The following MDM1 variants were observed in gnomAD, a reference collection of about 807,000 sequenced individuals.
MDM1 encodes Mdm1 nuclear protein.
Under a neutral mutation model 89.1 loss-of-function variants are expected in MDM1, and 61 were observed. The ratio of observed to expected loss-of-function variants is 0.68; its 90% CI spans 0.56 to 0.85. The LOEUF is 0.85. Ranked by LOEUF, MDM1 falls within the 40% of genes least tolerant of loss-of-function variation. The probability of loss-of-function intolerance (pLI) is 0.00; values close to 1 mark genes in which losing one functional copy is unlikely to be tolerated. For missense variants in MDM1, 820 were observed against 846.5 expected (o/e 0.97, Z 0.39); for synonymous variants, 290 against 294.1 (o/e 0.99, Z 0.14).
intron 7 of MDM1, chr12:68,321,123 A>C (rs1299664013): frequency 1.8e-5 from 7 of 392,040 alleles, no homozygotes; most frequent in South Asian, 1.8e-4. Flanking sequence ...AAAAAGCATT[A>C]AACTTAAAAG....
In MDM1 at chr12:68,325,496, C is replaced by T. The variant is rs1329278342; in HGVS notation, c.578G>A (p.Arg193Lys). Residue 193 changes from arginine to lysine, a missense_variant, in exon 4 of 15, where the codon AGG becomes AAG. Coordinates refer to ENST00000682720, the MANE Select transcript of MDM1 (RefSeq NM_001354969.2). The stretch of plus-strand genomic sequence containing the variant: ...TTTAGAAGTCTTCCAAACAAACTGC[C>T]TTTGATATTCAGAATTTCTCAAGGC... Reference protein sequence around the residue: ...YNALRNSEYQRQFVWKTSKET... With the variant: ...YNALRNSEYQKQFVWKTSKET... The T allele has an allele frequency of 6.3e-7, 1 of 1,598,570 alleles. No individual in the cohort carries two copies. Among genetic ancestry groups the T allele is most frequent in the Admixed American group, 1.7e-5 (1 of 57,836 alleles).
chr12:68,303,790 T>C (rs1033748059), intron 12 of MDM1, among the ~76,000 whole-genome samples: 1 of 152,170 alleles, frequency 6.6e-6, no homozygotes, highest in African/African-American at 2.4e-5. Flanking sequence ...TACTAACACA[T>C]ATATACCTAA....
At chr12:68,302,471 G>C in intron 13 of MDM1, 149 bp downstream of exon 13, 1 of 693,868 alleles carries the variant, frequency 1.4e-6, no homozygotes, top group South Asian at 2.4e-5. Flanking sequence ...CCCAAGGAGG[G>C]AGTTTTCCTA....
chr12:68,322,691 C>A (rs1290319165), intron 5 of MDM1, among the ~76,000 whole-genome samples: 1 of 152,142 alleles, frequency 6.6e-6, no homozygotes, highest in Non-Finnish European at 1.5e-5. Flanking sequence ...ATTTCCATAA[C>A]TTAAAATAAG....
Position 68,315,235 on chromosome 12 carries a change from T to C in MDM1, c.1242A>G (p.Lys414=). The change falls in exon 10 of 15, where the codon AAA becomes AAG. Residue 414 remains lysine, a synonymous_variant. Transcript: ENST00000682720. The part of the protein sequence containing the change: ...GDPTSHKTLQ[K]CPSTEPEEKG... ...TTTCTTCTGGTTCTGTAGAAGGACA[T>C]TTCTGCAAAGTCTTATGGCTTGTAG... is the stretch of plus-strand genomic sequence containing the variant. 6.2e-7 allele frequency: 1 copy of C among 1,614,184 alleles called. No individual in the cohort carries two copies. Among genetic ancestry groups the C allele is most frequent in the Non-Finnish European group, 8.5e-7 (1 of 1,180,008 alleles).
intron 3 of MDM1, 127 bp from the exon 4 acceptor site, chr12:68,325,702 A>G (rs1439638164): frequency 4.4e-6 from 6 of 1,353,830 alleles, no homozygotes. Context: ...ACAGTGCAAA[A>G]TTGTTAACTA....
Position 68,299,549 on chromosome 12 carries a change from C to A in MDM1, c.2003-2567G>T, listed in dbSNP as rs760429663. Among the ~76,000 whole-genome samples the A allele has an allele frequency of 1.3e-4, 20 of 151,906 alleles. 1 individual carries two copies. Among genetic ancestry groups the A allele is most frequent in the Admixed American group, 6.5e-4 (10 of 15,270 alleles). On this transcript the variant is annotated intron_variant, in intron 13 of 14. Transcript: ENST00000682720. ...AGAACAAGTAGAAGATAGCTGCATG[C>A]CAGGTCCAAGAGGGAGGAAAAAGCA...
At chr12:68,313,795 C>T (rs562819590) in intron 10 of MDM1, 42 bp from the exon 11 acceptor site, 32 of 1,441,766 alleles carry the variant, frequency 2.2e-5, no homozygotes, top group Middle Eastern at 1.8e-4. Flanking sequence ...AGCATTTCCT[C>T]GAGAAAATAT....
At chr12:68,318,528 T>C (rs115841261) in intron 7 of MDM1, among the ~76,000 whole-genome samples, 29 of 152,344 alleles carry the variant, frequency 1.9e-4, no homozygotes, top group African/African-American at 7.0e-4. Flanking sequence ...ATCTCAGTGC[T>C]AATATTATAT....
At chr12:68,311,203 T>C (rs1342053583) in intron 12 of MDM1, among the ~76,000 whole-genome samples, 1 of 152,206 alleles carries the variant, frequency 6.6e-6, no homozygotes, top group African/African-American at 2.4e-5. Flanking sequence ...AAAAGTATCC[T>C]GCACTTCTGC....
chr12:68,326,420 AG>A, intron 3 of MDM1: 1 of 1,451,150 alleles, frequency 6.9e-7, no homozygotes, highest in Non-Finnish European at 9.0e-7. Flanking sequence ...CAGACGCAGG[AG>A]GTCCATCCAA....
intron 7 of MDM1, among the ~76,000 whole-genome samples, chr12:68,320,354 C>T (rs1875052383): frequency 6.6e-6 from 1 of 152,136 alleles, no homozygotes; most frequent in Admixed American, 6.6e-5. Context: ...TTTTACTTTG[C>T]CTGTGCTGTC....
chr12:68,316,311 C>A, intron 8 of MDM1, 58 bp from the exon 9 acceptor site: 1 of 1,509,568 alleles, frequency 6.6e-7, no homozygotes. Flanking sequence ...ACAAACAGCA[C>A]CAAGTAGCAT....
Position 68,294,567 on chromosome 12 carries a change from G to A in MDM1, c.*687C>T, listed in dbSNP as rs1565759564. 1 of 152,236 alleles carries A rather than the reference G, an allele frequency of 6.6e-6. No individual in the cohort carries two copies. The highest frequency in any genetic ancestry group is 1.9e-4 in the East Asian group (1 of 5,188). The allele number at this position is 152,236 out of a possible 1,614,324, so 9.4% of individuals were successfully genotyped here. Reference sequence around the variant, plus strand: ...TAATAACTTTCTGGAGAAGCCAAACGCACTTGATCCATTTTTATTTCAAAA... The same window carrying A: ...TAATAACTTTCTGGAGAAGCCAAACACACTTGATCCATTTTTATTTCAAAA... On this transcript the variant is annotated 3_prime_UTR_variant, in exon 15 of 15. Transcript: ENST00000682720.
chr12:68,327,435 T>C, intron 2 of MDM1: 8 of 1,535,902 alleles, frequency 5.2e-6, no homozygotes, highest in Non-Finnish European at 7.0e-6. Flanking sequence ...AAGCTTCTCT[T>C]ATGTGGAGCA....
Position 68,316,615 on chromosome 12 carries a change from A to T in MDM1, c.1006-5T>A. 6.5e-7 allele frequency: 1 copy of T among 1,534,672 alleles called. No individual in the cohort carries two copies. ...CCACATGGCATTTAGAGAACCCTAG[A>T]GAAGGAATACAGAAACACACTTAAT... On this transcript the variant is annotated splice_polypyrimidine_tract_variant and splice_region_variant and intron_variant, in intron 7 of 14. Coordinates refer to ENST00000682720, the MANE Select transcript of MDM1 (RefSeq NM_001354969.2).
At chr12:68,306,178 A>G (rs1348548056) in intron 12 of MDM1, among the ~76,000 whole-genome samples, 1 of 152,156 alleles carries the variant, frequency 6.6e-6, no homozygotes, top group African/African-American at 2.4e-5. Flanking sequence ...AGGACACCCT[A>G]TTCAATAAAT....
At chr12:68,325,133 T>C (rs1439126142) in intron 4 of MDM1, 1 of 982,422 alleles carries the variant, frequency 1.0e-6, no homozygotes, top group Non-Finnish European at 1.2e-6. Context: ...TAATAATTTT[T>C]TAATAAGTAA....
chr12:68,306,712 C>A (rs1407574809), intron 12 of MDM1, among the ~76,000 whole-genome samples: 1 of 152,078 alleles, frequency 6.6e-6, no homozygotes, highest in African/African-American at 2.4e-5. Flanking sequence ...ATGACTATTA[C>A]CAAAAAGTCA....
Sources: allele counts gnomAD v4.1 joint callset (sites outside exome capture counted in the v4.1 genomes callset), GRCh38; gene constraint gnomAD v4.1.1; transcripts MANE v1.5; gene names NCBI Gene and HGNC (gene_info 2026-07-23, HGNC 2026-07-21).